SNTG1: variants seen among roughly 807,000 people sequenced by gnomAD.
The protein encoded by SNTG1 is gamma-1-syntrophin.
A neutral mutation model predicts 74.7 loss-of-function variants in SNTG1; 39 were observed. The observed-to-expected ratio is 0.52, with a 90% CI of 0.40 to 0.68. The LOEUF (loss-of-function observed/expected upper bound fraction) is 0.68. SNTG1 is among the 30% of genes least tolerant of loss of function. The probability of loss-of-function intolerance (pLI) is 0.00; values close to 1 mark genes in which losing one functional copy is unlikely to be tolerated. For missense variants in SNTG1, 685 were observed against 609.5 expected, an observed-to-expected ratio of 1.12 and a Z score of -1.30; for synonymous variants, 254 against 217.1, an observed-to-expected ratio of 1.17 and a Z score of -1.49.
rs553787696 is a variant in SNTG1, at chr8:49,978,999, C to G, written c.-103+66768C>G. 5.9e-5 allele frequency among the ~76,000 whole-genome samples: 9 copies of G among 152,298 alleles called. No individual in the cohort carries two copies. The East Asian group carries it at 1.2e-3, about 20-fold the overall frequency. ...CTTCTTCCACACTTGGGTAAAATCA[C>G]AAGCTTGGGAGAATTGACACCATAA... On this transcript the variant is annotated intron_variant, in intron 1 of 18. Transcript: ENST00000642720.
intron 13 of SNTG1, among the ~76,000 whole-genome samples, chr8:50,610,323 G>C (rs2094841387): frequency 6.6e-6 from 1 of 152,114 alleles, no homozygotes; most frequent in South Asian, 2.1e-4. Flanking sequence ...ACTATCTACT[G>C]ATCAATCTGT....
At chr8:50,643,150 G>T (rs866779147) in intron 13 of SNTG1, among the ~76,000 whole-genome samples, 3 of 152,310 alleles carry the variant, frequency 2.0e-5, no homozygotes, top group Middle Eastern at 6.8e-3. Context: ...CTCAGATAAA[G>T]AATGCATTTT....
intron 3 of SNTG1, among the ~76,000 whole-genome samples, chr8:50,398,305 G>T (rs1352120583): frequency 6.6e-6 from 1 of 152,152 alleles, no homozygotes; most frequent in Non-Finnish European, 1.5e-5. Context: ...ATCATACAGG[G>T]CGTTAGCACG....
At position 50,783,063 on chromosome 8, in the gene SNTG1, A is replaced by AGTT. The variant is rs1280153931; in HGVS notation, c.1396-9607_1396-9605dup. The stretch of plus-strand genomic sequence containing the variant: ...GCTGCTGTCTGATCGTTCCTCTGAT[A>AGTT]GTTTTGTCTCAGAGGAGTACCCGGC... On this transcript the variant is annotated intron_variant, in intron 18 of 18. Coordinates refer to ENST00000642720, the MANE Select transcript of SNTG1 (RefSeq NM_018967.5). 3.3e-5 allele frequency among the ~76,000 whole-genome samples: 5 copies of AGTT among 152,066 alleles called. No individual in the cohort carries two copies. The South Asian group carries it at 8.3e-4, about 25-fold the overall frequency.
At chr8:50,515,582 C>A (rs927992635) in intron 9 of SNTG1, among the ~76,000 whole-genome samples, 1 of 151,998 alleles carries the variant, frequency 6.6e-6, no homozygotes, top group Non-Finnish European at 1.5e-5. Context: ...GAACAGCAGT[C>A]TGAAGTTGAT....
At chr8:50,528,721 C>T (rs1053402983) in intron 9 of SNTG1, among the ~76,000 whole-genome samples, 1 of 151,532 alleles carries the variant, frequency 6.6e-6, no homozygotes, top group Non-Finnish European at 1.5e-5. Flanking sequence ...CTCATCATTC[C>T]TTTTAACATC....
At chr8:49,945,695 T>G (rs79931931) in intron 1 of SNTG1, among the ~76,000 whole-genome samples, 1,976 of 152,222 alleles carry the variant, frequency 0.013, 50 homozygotes, top group African/African-American at 0.043. Context: ...TTTCCCTGTG[T>G]GGATGACTAG....
chr8:50,178,835 C>T (rs1161504875), intron 2 of SNTG1, among the ~76,000 whole-genome samples: 1 of 152,150 alleles, frequency 6.6e-6, no homozygotes, highest in Non-Finnish European at 1.5e-5. Context: ...AAAACGTTTC[C>T]TATTTTGATG....
chr8:50,615,517 G>A (rs1173169962), intron 13 of SNTG1, among the ~76,000 whole-genome samples: 4 of 152,138 alleles, frequency 2.6e-5, no homozygotes, highest in African/African-American at 4.8e-5. Flanking sequence ...TCGACAACAT[G>A]TTTCTACTAG....
intron 1 of SNTG1, among the ~76,000 whole-genome samples, chr8:49,971,332 ACT>A (rs1292810552): frequency 6.6e-6 from 1 of 151,910 alleles, no homozygotes; most frequent in South Asian, 2.1e-4. Flanking sequence ...CATGCTGAAA[ACT>A]CTCAATAAAT....
intron 2 of SNTG1, among the ~76,000 whole-genome samples, chr8:50,385,723 ATGGACAGGAATGGAG>A (rs2092563998): frequency 6.6e-6 from 1 of 152,152 alleles, no homozygotes; most frequent in Non-Finnish European, 1.5e-5. Context: ...GATGGGCCTT[ATGGACAGGAATGGAG>A]AAAAAGGGAT....
chr8:50,627,624 C>G (rs976302284), intron 13 of SNTG1, among the ~76,000 whole-genome samples: 5 of 152,202 alleles, frequency 3.3e-5, no homozygotes, highest in Non-Finnish European at 7.3e-5. Context: ...TGGCTATAAA[C>G]CAGGGTTCCC....
chr8:50,739,601 C>T (rs545277399), intron 17 of SNTG1, among the ~76,000 whole-genome samples: 48 of 151,668 alleles, frequency 3.2e-4, no homozygotes, highest in South Asian at 2.7e-3. Flanking sequence ...GATAGCATTA[C>T]GAGAAAACAA....
intron 9 of SNTG1, among the ~76,000 whole-genome samples, chr8:50,523,907 G>T (rs1332639415): frequency 1.3e-5 from 2 of 151,936 alleles, no homozygotes; most frequent in Admixed American, 1.3e-4. Context: ...TTGGATATTG[G>T]GTTTTAAAAT....
At chr8:50,508,270 A>T (rs531101129) in intron 9 of SNTG1, among the ~76,000 whole-genome samples, 2 of 152,302 alleles carry the variant, frequency 1.3e-5, no homozygotes, top group East Asian at 3.9e-4. Flanking sequence ...TTATGGCTGC[A>T]TAGTATTCCA....
At chr8:50,268,713 G>A (rs530951697) in intron 2 of SNTG1, among the ~76,000 whole-genome samples, 3 of 150,942 alleles carry the variant, frequency 2.0e-5, no homozygotes, top group East Asian at 2.0e-4. Context: ...CTAGAATGCC[G>A]TGGCAGGATC....
chr8:50,722,720 G>A (rs2095490737), intron 17 of SNTG1, among the ~76,000 whole-genome samples: 1 of 152,066 alleles, frequency 6.6e-6, no homozygotes, highest in South Asian at 2.1e-4. Flanking sequence ...CTGTTATAGT[G>A]AACTCCAGTA....
At chr8:50,588,351 AT>A (rs1278184739) in intron 12 of SNTG1, among the ~76,000 whole-genome samples, 2 of 152,134 alleles carry the variant, frequency 1.3e-5, no homozygotes, top group African/African-American at 4.8e-5. Flanking sequence ...AAATTTCTGA[AT>A]ACAATGGAAG....
At chr8:50,542,041 T>C (rs2094351197) in intron 11 of SNTG1, among the ~76,000 whole-genome samples, 1 of 149,672 alleles carries the variant, frequency 6.7e-6, no homozygotes, top group Non-Finnish European at 1.5e-5. Context: ...ATTGCATATG[T>C]ATATATACAT....
Sources: allele counts gnomAD v4.1 joint callset (sites outside exome capture counted in the v4.1 genomes callset), GRCh38; gene constraint gnomAD v4.1.1; transcripts MANE v1.5; gene names NCBI Gene and HGNC (gene_info 2026-07-23, HGNC 2026-07-21).